CTDSPL2: variants seen among roughly 807,000 people sequenced by gnomAD.
CTDSPL2 encodes CTD small phosphatase-like protein 2.
A neutral mutation model predicts 60.0 loss-of-function variants in CTDSPL2; 5 were observed. The ratio of observed to expected loss-of-function variants is 0.08; its 90% CI spans 0.04 to 0.18. The LOEUF is 0.18. Ranked by LOEUF, CTDSPL2 falls within the 10% of genes least tolerant of loss-of-function variation. The pLI, the probability that CTDSPL2 is intolerant of heterozygous loss-of-function variation, is 1.00. For missense variants in CTDSPL2, 370 were observed against 548.8 expected (o/e 0.67, Z 3.26); for synonymous variants, 186 against 189.3 (o/e 0.98, Z 0.14).
At chr15:44,427,871 C>A in intron 1 of CTDSPL2, 99 bp downstream of exon 1, 1 of 392,842 alleles carries the variant, frequency 2.5e-6, no homozygotes, top group Non-Finnish European at 4.5e-6. Context: ...TAAACCTGGT[C>A]CTCCAGCGGC....
At chr15:44,523,414 ACATACAT>A (rs2081819505) in intron 12 of CTDSPL2, among the ~76,000 whole-genome samples, 1 of 151,378 alleles carries the variant, frequency 6.6e-6, no homozygotes, top group Non-Finnish European at 1.5e-5. Flanking sequence ...ATACATACAT[ACATACAT>A]ACATACATAC....
intron 4 of CTDSPL2, among the ~76,000 whole-genome samples, chr15:44,487,480 A>G (rs1280001332): frequency 1.3e-5 from 2 of 152,140 alleles, no homozygotes; most frequent in African/African-American, 4.8e-5. Flanking sequence ...AAAAAAAATA[A>G]AAAGAATGGA....
At chr15:44,522,534 C>T (rs895689294) in intron 12 of CTDSPL2, among the ~76,000 whole-genome samples, 8 of 152,098 alleles carry the variant, frequency 5.3e-5, no homozygotes, top group African/African-American at 1.9e-4. Flanking sequence ...AGGCAGATCA[C>T]TTGAGGTCAG....
chr15:44,461,597 T>A (rs982728855), intron 2 of CTDSPL2, among the ~76,000 whole-genome samples: 6 of 141,404 alleles, frequency 4.2e-5, no homozygotes, highest in Admixed American at 7.0e-5. Flanking sequence ...TTTTTTTTTT[T>A]AAAGAGATGA....
chr15:44,483,264 AAAAAAAAAAAAAG>A (rs776074361), intron 2 of CTDSPL2, among the ~76,000 whole-genome samples: 27 of 146,418 alleles, frequency 1.8e-4, no homozygotes, highest in Admixed American at 1.5e-3. Flanking sequence ...CTCTGTCTCA[AAAAAAAAAAAAAG>A]AAAAAGAAAA....
At chr15:44,479,118 G>A (rs1182237598) in intron 2 of CTDSPL2, among the ~76,000 whole-genome samples, 2 of 151,358 alleles carry the variant, frequency 1.3e-5, no homozygotes, top group Non-Finnish European at 2.9e-5. Flanking sequence ...CAGGTGTGCT[G>A]GCCATCAGCT....
At chr15:44,487,441 C>G (rs527687681) in intron 4 of CTDSPL2, among the ~76,000 whole-genome samples, 2 of 152,130 alleles carry the variant, frequency 1.3e-5, no homozygotes, top group African/African-American at 4.8e-5. Flanking sequence ...TGCACTCAAG[C>G]TTGGACAGCC....
intron 4 of CTDSPL2, 55 bp downstream of exon 4, chr15:44,486,755 T>C (rs2081126291): frequency 1.6e-6 from 2 of 1,215,978 alleles, no homozygotes; most frequent in East Asian, 5.3e-5. Context: ...ATGCATAGTT[T>C]GGGTTTTTTT....
In CTDSPL2 at chr15:44,484,508, G is replaced by A. The variant is rs190709714; in HGVS notation, c.325+146G>A. On this transcript the variant is annotated intron_variant, in intron 3 of 12. Coordinates refer to ENST00000260327, the MANE Select transcript of CTDSPL2 (RefSeq NM_016396.3). ...CTCACATTTTGGGAGGCCGAGGTCG[G>A]CGGATCATTTGAGGCCAGGAATTTG... The A allele has an allele frequency of 4.3e-4, 322 of 754,324 alleles. No homozygotes were observed. The African/African-American group carries it at 5.3e-3, about 12-fold the overall frequency. The allele number at this position is 754,324 out of a possible 1,614,324, so 46.7% of individuals were successfully genotyped here.
At chr15:44,503,431 TC>T (rs1595765821) in intron 8 of CTDSPL2, 1 of 152,152 alleles carries the variant, frequency 6.6e-6, no homozygotes, top group African/African-American at 2.4e-5. Context: ...TAGTTTCTGT[TC>T]CTGCAGATCC....
intron 1 of CTDSPL2, among the ~76,000 whole-genome samples, chr15:44,458,427 G>A (rs746126536): frequency 6.6e-6 from 1 of 152,196 alleles, no homozygotes; most frequent in Non-Finnish European, 1.5e-5. Flanking sequence ...ATTAAATGTG[G>A]TAAGATAGGA....
At chr15:44,433,583 A>G (rs973352679) in intron 1 of CTDSPL2, among the ~76,000 whole-genome samples, 10 of 151,848 alleles carry the variant, frequency 6.6e-5, no homozygotes, top group African/African-American at 2.4e-4. Context: ...CCCTGGTTCA[A>G]GTGATTGTCC....
chr15:44,441,537 T>G (rs772165700), intron 1 of CTDSPL2, among the ~76,000 whole-genome samples: 5 of 152,204 alleles, frequency 3.3e-5, no homozygotes, highest in Non-Finnish European at 5.9e-5. Context: ...CACTTTGCCT[T>G]CAGCAGTTTG....
intron 1 of CTDSPL2, among the ~76,000 whole-genome samples, chr15:44,435,590 T>A (rs1489086134): frequency 6.7e-6 from 1 of 148,860 alleles, no homozygotes; most frequent in Non-Finnish European, 1.5e-5. Flanking sequence ...AAAAAGAGAA[T>A]CTTCCTGTTG....
At chr15:44,455,839 ATTTTTTTTTTTTT>A (rs35307134) in intron 1 of CTDSPL2, among the ~76,000 whole-genome samples, 22 of 47,534 alleles carry the variant, frequency 4.6e-4, no homozygotes, top group Admixed American at 7.3e-4. Context: ...TTTATTGAGG[ATTTTTTTTTTTTT>A]TTTTTTTTTT....
At chr15:44,506,346 A>T (rs2081463830) in intron 8 of CTDSPL2, among the ~76,000 whole-genome samples, 1 of 150,680 alleles carries the variant, frequency 6.6e-6, no homozygotes, top group African/African-American at 2.4e-5. Context: ...CCCATTGGTA[A>T]CTTTTAATAT....
chr15:44,477,787 A>G (rs918979673), intron 2 of CTDSPL2, among the ~76,000 whole-genome samples: 1 of 152,118 alleles, frequency 6.6e-6, no homozygotes, highest in Admixed American at 6.5e-5. Context: ...GTGGTGAGCC[A>G]AGATCGTGCC....
At chr15:44,516,056 T>G (rs540743335) in intron 10 of CTDSPL2, among the ~76,000 whole-genome samples, 19 of 150,818 alleles carry the variant, frequency 1.3e-4, no homozygotes, top group Admixed American at 2.0e-4. Context: ...AATCTCTGCC[T>G]TCTGAGTTTA....
chr15:44,464,640 G>T (rs2080646438), intron 2 of CTDSPL2, among the ~76,000 whole-genome samples: 1 of 152,244 alleles, frequency 6.6e-6, no homozygotes, highest in Middle Eastern at 3.4e-3. Flanking sequence ...GTCTGTGTAT[G>T]GTCTGTGTCT....
Sources: allele counts gnomAD v4.1 joint callset (sites outside exome capture counted in the v4.1 genomes callset), GRCh38; gene constraint gnomAD v4.1.1; transcripts MANE v1.5; gene names NCBI Gene and HGNC (gene_info 2026-07-23, HGNC 2026-07-21).